Variants in CAMKMT observed in about 807,000 individuals in gnomAD.
The protein encoded by CAMKMT is CaM KMT.
A neutral mutation model predicts 48.0 loss-of-function variants in CAMKMT; 53 were observed. The ratio of observed to expected loss-of-function variants is 1.10; its 90% confidence interval spans 0.89 to 1.39. The LOEUF (loss-of-function observed/expected upper bound fraction) is 1.39. Ranked by LOEUF, CAMKMT falls within the 40% of genes most tolerant of loss-of-function variation. The pLI is 0.00. For missense variants in CAMKMT, 428 were observed against 402.7 expected, an observed-to-expected ratio of 1.06 and a Z score of -0.54; for synonymous variants, 165 against 152.3, an observed-to-expected ratio of 1.08 and a Z score of -0.61.
At chr2:44,640,103 C>T (rs1421872240) in intron 3 of CAMKMT, among the ~76,000 whole-genome samples, 1 of 152,044 alleles carries the variant, frequency 6.6e-6, no homozygotes, top group Non-Finnish European at 1.5e-5. Context: ...TGAATATTCA[C>T]ATTAAACAAC....
At chr2:44,655,337 A>G (rs146949709) in intron 3 of CAMKMT, among the ~76,000 whole-genome samples, 265 of 152,324 alleles carry the variant, frequency 1.7e-3, no homozygotes, top group African/African-American at 6.0e-3. Context: ...TCTTCTAGTA[A>G]TAATAATGAT....
chr2:44,395,435 ATATC>A (rs1275121714), intron 3 of CAMKMT, among the ~76,000 whole-genome samples: 8 of 152,154 alleles, frequency 5.3e-5, no homozygotes, highest in Non-Finnish European at 1.0e-4. Context: ...TATGCATTGT[ATATC>A]TATATTTATA....
intron 3 of CAMKMT, among the ~76,000 whole-genome samples, chr2:44,649,342 G>A (rs1673929962): frequency 6.6e-6 from 1 of 151,988 alleles, no homozygotes; most frequent in African/African-American, 2.4e-5. Flanking sequence ...GTACTAAGAT[G>A]AAAAAACAGG....
At chr2:44,401,555 A>T (rs1374981131) in intron 3 of CAMKMT, among the ~76,000 whole-genome samples, 1 of 152,084 alleles carries the variant, frequency 6.6e-6, no homozygotes, top group Non-Finnish European at 1.5e-5. Context: ...TCTGTCTCAA[A>T]AAAAAAAATA....
intron 3 of CAMKMT, among the ~76,000 whole-genome samples, chr2:44,676,159 G>T (rs1675677489): frequency 6.6e-6 from 1 of 152,172 alleles, no homozygotes; most frequent in South Asian, 2.1e-4. Context: ...TCCCTCTGGG[G>T]AAGCATTCTT....
chr2:44,725,762 C>T (rs57895296), intron 7 of CAMKMT, among the ~76,000 whole-genome samples: 38 of 151,940 alleles, frequency 2.5e-4, no homozygotes, highest in African/African-American at 7.7e-4. Flanking sequence ...AAGAAATCAT[C>T]ACACTGGGGT....
rs950792330 is a variant in CAMKMT at position 44,653,012 on chromosome 2, A to G, written c.377-51271A>G. Among the ~76,000 whole-genome samples the G allele has an allele frequency of 2.6e-5, 4 of 152,078 alleles. No individual in the cohort carries two copies. Among genetic ancestry groups the G allele is most frequent in the Non-Finnish European group, 4.4e-5 (3 of 68,002 alleles). ...AGTCCATTTCTGCCAAACCTTTTCT[A>G]TTACCTCTATCAACCCTCCCTTTAA... On this transcript the variant is annotated intron_variant, in intron 3 of 10. Coordinates refer to ENST00000378494, the MANE Select transcript of CAMKMT (RefSeq NM_024766.5). The surrounding 1 kb of genome is among the most constrained non-coding windows in gnomAD (Gnocchi z 5.2).
chr2:44,644,033 T>C (rs1234367016), intron 3 of CAMKMT, among the ~76,000 whole-genome samples: 4 of 152,204 alleles, frequency 2.6e-5, no homozygotes, highest in Non-Finnish European at 4.4e-5. Flanking sequence ...TATTTCTTCA[T>C]TTTAAGTCAA....
At chr2:44,517,342 A>T (rs1335229724) in intron 3 of CAMKMT, among the ~76,000 whole-genome samples, 2 of 152,224 alleles carry the variant, frequency 1.3e-5, no homozygotes, top group Non-Finnish European at 2.9e-5. Flanking sequence ...TTTATGAGCA[A>T]CTTAAGAATT....
chr2:44,768,788 T>C (rs1680974666), intron 10 of CAMKMT, among the ~76,000 whole-genome samples: 1 of 152,100 alleles, frequency 6.6e-6, no homozygotes, highest in Admixed American at 6.5e-5. Flanking sequence ...GCTTTCTTCC[T>C]CTCCATCTCT....
At chr2:44,431,684 A>T (rs1375400607) in intron 3 of CAMKMT, among the ~76,000 whole-genome samples, 2 of 152,156 alleles carry the variant, frequency 1.3e-5, no homozygotes, top group East Asian at 3.8e-4. Flanking sequence ...GTTTTGCAGA[A>T]ATTTTTTTCT....
At chr2:44,619,505 G>A (rs1179530810) in intron 3 of CAMKMT, among the ~76,000 whole-genome samples, 1 of 152,054 alleles carries the variant, frequency 6.6e-6, no homozygotes, top group Non-Finnish European at 1.5e-5. Flanking sequence ...ATATGTGTGT[G>A]TATATATAAA....
At chr2:44,764,517 G>T (rs1680754166) in intron 9 of CAMKMT, among the ~76,000 whole-genome samples, 1 of 152,148 alleles carries the variant, frequency 6.6e-6, no homozygotes, top group South Asian at 2.1e-4. Context: ...ATGGGTTAAG[G>T]TTCTTATCGA....
chr2:44,499,891 A>T (rs1019821130), intron 3 of CAMKMT, among the ~76,000 whole-genome samples: 3 of 152,156 alleles, frequency 2.0e-5, no homozygotes, highest in Admixed American at 6.5e-5. Flanking sequence ...TCATTCATAG[A>T]GATGACATTG....
chr2:44,542,490 T>TAC (rs1358081273), intron 3 of CAMKMT, among the ~76,000 whole-genome samples: 9 of 63,006 alleles, frequency 1.4e-4, no homozygotes, highest in Non-Finnish European at 2.4e-4. Flanking sequence ...GTAAGACACA[T>TAC]ACACATACAC....
At chr2:44,396,157 A>G (rs1681819811) in intron 3 of CAMKMT, among the ~76,000 whole-genome samples, 1 of 152,244 alleles carries the variant, frequency 6.6e-6, no homozygotes, top group East Asian at 1.9e-4. Flanking sequence ...TAAAAACATA[A>G]CACTCTTAGA....
chr2:44,727,098 G>A (rs985057372), intron 7 of CAMKMT, among the ~76,000 whole-genome samples: 13 of 146,628 alleles, frequency 8.9e-5, no homozygotes, highest in African/African-American at 2.8e-4. Context: ...TTGGCTATTT[G>A]GACTCTTTTT....
intron 3 of CAMKMT, among the ~76,000 whole-genome samples, chr2:44,606,272 A>G (rs191163128): frequency 6.6e-6 from 1 of 152,352 alleles, no homozygotes; most frequent in Admixed American, 6.5e-5. Flanking sequence ...AAAACAGCTC[A>G]TGAGGAAATT....
In CAMKMT at chr2:44,657,256, G is replaced by A. The variant is rs1297952495; in HGVS notation, c.377-47027G>A. On this transcript the variant is annotated intron_variant, in intron 3 of 10. Coordinates refer to ENST00000378494, the MANE Select transcript of CAMKMT (RefSeq NM_024766.5). This position sits in a 1 kb window ranked among gnomAD's most constrained non-coding sequence, Gnocchi z 4.3. ...TAACTTCTTCAATTTGAGGTTCCTG[G>A]TACATTAAAGAACTAAAGAAATGCC... Among the ~76,000 whole-genome samples the A allele has an allele frequency of 6.6e-6, 1 of 152,166 alleles. No homozygotes were observed. Among genetic ancestry groups the A allele is most frequent in the African/African-American group, 2.4e-5 (1 of 41,422 alleles).
Sources: allele counts gnomAD v4.1 joint callset (sites outside exome capture counted in the v4.1 genomes callset), GRCh38; gene constraint gnomAD v4.1.1; non-coding constraint Gnocchi (gnomAD v3.1); transcripts MANE v1.5; gene names NCBI Gene and HGNC (gene_info 2026-07-23, HGNC 2026-07-21).